Variants in LINGO1 observed in about 807,000 individuals in gnomAD.
LINGO1 encodes the protein leucine rich repeat and Ig domain containing 1.
LINGO1 carries 11 observed loss-of-function variants against 37.3 expected under a neutral mutation model. The observed-to-expected ratio is 0.29, with a 90% CI of 0.19 to 0.49. The LOEUF (loss-of-function observed/expected upper bound fraction) is 0.49, where lower values mean the gene tolerates loss of function less well. LINGO1 is among the 20% of genes least tolerant of loss of function. LINGO1 has a pLI of 0.99. For synonymous variants in LINGO1, 387 were observed against 403.0 expected (o/e 0.96, Z 0.48); for missense variants, 585 against 878.2 (o/e 0.67, Z 4.22).
Position 77,619,705 on chromosome 15 carries a change from A to G in LINGO1, c.7-3805T>C, listed in dbSNP as rs571094251. ...CTCCATCTGTAAAAACAATAAATAA[A>G]TAAAATAAAATAAAATAAAATAAAA... On this transcript the variant is annotated intron_variant, in intron 1 of 1. Transcript: ENST00000355300. Among the ~76,000 whole-genome samples, 8 of 94,674 alleles carry G rather than the reference A, an allele frequency of 8.5e-5. No homozygotes were observed. In the South Asian group the frequency reaches 2.4e-3, roughly 28 times the overall value. The allele number at this position is 94,674 out of a possible 152,430, so 62.1% of individuals were successfully genotyped here. A position where few individuals can be genotyped will look rare whatever the true frequency, so the allele number is the denominator to read the frequency against.
intron 1 of LINGO1, among the ~76,000 whole-genome samples, chr15:77,618,985 T>C (rs2073834023): frequency 6.6e-6 from 1 of 152,104 alleles, no homozygotes; most frequent in Non-Finnish European, 1.5e-5. Context: ...AAAATTATGC[T>C]ACAAGATGAT....
At chr15:77,785,238 A>T (rs987534625) in intron 1 of LINGO1, among the ~76,000 whole-genome samples, 1 of 151,764 alleles carries the variant, frequency 6.6e-6, no homozygotes, top group African/African-American at 2.4e-5. Context: ...CCCACTGCAG[A>T]CCCCTCCCAC....
At chr15:77,661,152 G>A (rs1475018904) in intron 3 of LINGO1, among the ~76,000 whole-genome samples, 1 of 152,202 alleles carries the variant, frequency 6.6e-6, no homozygotes, top group Non-Finnish European at 1.5e-5. Flanking sequence ...TTGCCCTCAG[G>A]AGCCAGCCAG....
intron 3 of LINGO1, among the ~76,000 whole-genome samples, chr15:77,661,650 G>T (rs527252135): frequency 6.6e-4 from 100 of 152,328 alleles, no homozygotes; most frequent in Non-Finnish European, 1.3e-3. Context: ...AACACTGCTG[G>T]GTAAACAGCC....
At chr15:77,648,252 A>C (rs908202504) in intron 3 of LINGO1, 47 of 225,852 alleles carry the variant, frequency 2.1e-4, no homozygotes, top group South Asian at 4.3e-4. Flanking sequence ...TGTGCTAGAC[A>C]CTTCACATGC....
rs556617446 is a variant in LINGO1, at chr15:77,815,260, G to A, written c.-458+4998C>T. Among the ~76,000 whole-genome samples the A allele has an allele frequency of 2.6e-5, 4 of 152,232 alleles. No homozygotes were observed. In the East Asian group the frequency reaches 5.8e-4, roughly 22 times the overall value. On this transcript the variant is annotated intron_variant, in intron 1 of 5. Coordinates refer to the LINGO1 transcript ENST00000562933. ...AGTGCTGAAACAACTGCCTAAGGAC[G>A]TCCTCTGCAGAGGCCCTGAGGCCCC...
chr15:77,637,480 C>T (rs758960412), upstream of LINGO1, among the ~76,000 whole-genome samples: 2 of 152,192 alleles, frequency 1.3e-5, no homozygotes, highest in Non-Finnish European at 2.9e-5. This position sits in a 1 kb window ranked among gnomAD's most constrained non-coding sequence, Gnocchi z 4.6. Context: ...TCCCCTCGGG[C>T]GGGGCTGTAT....
intron 1 of LINGO1, among the ~76,000 whole-genome samples, chr15:77,749,323 G>T (rs1044436460): frequency 6.6e-6 from 1 of 151,922 alleles, no homozygotes; most frequent in Non-Finnish European, 1.5e-5. Flanking sequence ...AGGAAGCACT[G>T]TCAGAAAACA....
chr15:77,776,472 G>GCAGGAAA, intron 1 of LINGO1, among the ~76,000 whole-genome samples: 1 of 114,886 alleles, frequency 8.7e-6, no homozygotes, highest in African/African-American at 4.1e-5. Flanking sequence ...AAGGCAGGAA[G>GCAGGAAA]GCAGGAAGGC....
chr15:77,806,384 G>A (rs955138879), intron 1 of LINGO1, among the ~76,000 whole-genome samples: 2 of 152,200 alleles, frequency 1.3e-5, no homozygotes, highest in African/African-American at 4.8e-5. Context: ...CAGGAGGAGA[G>A]GCGAGGAAGA....
chr15:77,773,768 G>C (rs1001156325), intron 1 of LINGO1, among the ~76,000 whole-genome samples: 8 of 152,106 alleles, frequency 5.3e-5, no homozygotes, highest in Admixed American at 2.0e-4. Context: ...CTCTGACTTT[G>C]CCCAGGGCAA....
chr15:77,757,675 G>A (rs1408346138), intron 1 of LINGO1, among the ~76,000 whole-genome samples: 1 of 150,694 alleles, frequency 6.6e-6, no homozygotes, highest in African/African-American at 2.4e-5. Context: ...GAGACTGGGT[G>A]CGGGGACAGG....
intron 2 of LINGO1, among the ~76,000 whole-genome samples, chr15:77,689,374 C>T (rs958990725): frequency 3.2e-4 from 49 of 152,218 alleles, no homozygotes; most frequent in African/African-American, 1.1e-3. Context: ...CAAGTTCCGC[C>T]TCCCTGCGCT....
intron 1 of LINGO1, among the ~76,000 whole-genome samples, chr15:77,819,091 C>T (rs1296676817): frequency 6.6e-6 from 1 of 150,990 alleles, no homozygotes; most frequent in Non-Finnish European, 1.5e-5. Context: ...CTCCCAGCCC[C>T]AAGCGTGCAC....
At chr15:77,680,210 T>G (rs1281601931) in intron 2 of LINGO1, among the ~76,000 whole-genome samples, 2 of 152,182 alleles carry the variant, frequency 1.3e-5, no homozygotes, top group Non-Finnish European at 2.9e-5. Context: ...GTCCCTGAGT[T>G]GTTGTGTGGA....
intron 1 of LINGO1, among the ~76,000 whole-genome samples, chr15:77,779,700 G>A (rs749305143): frequency 3.3e-5 from 5 of 152,174 alleles, no homozygotes; most frequent in Admixed American, 6.5e-5. Context: ...GACAGATGAA[G>A]CTTCACTCGC....
chr15:77,744,457 C>G (rs1220180951), intron 1 of LINGO1, among the ~76,000 whole-genome samples: 1 of 152,068 alleles, frequency 6.6e-6, no homozygotes, highest in African/African-American at 2.4e-5. Context: ...TCACCTGAGC[C>G]CGGGAGGTTG....
At chr15:77,671,954 G>A (rs1392386657) in intron 3 of LINGO1, among the ~76,000 whole-genome samples, 1 of 151,872 alleles carries the variant, frequency 6.6e-6, no homozygotes, top group Admixed American at 6.5e-5. Flanking sequence ...GCTCATGGGC[G>A]GCTGATTTCC....
chr15:77,664,234 T>A (rs1312761872), intron 3 of LINGO1, among the ~76,000 whole-genome samples: 1 of 151,256 alleles, frequency 6.6e-6, no homozygotes, highest in Non-Finnish European at 1.5e-5. Context: ...GGAGGAGGCT[T>A]GCTGAAAGCT....
Sources: allele counts gnomAD v4.1 joint callset (sites outside exome capture counted in the v4.1 genomes callset), GRCh38; gene constraint gnomAD v4.1.1; non-coding constraint Gnocchi (gnomAD v3.1); transcripts MANE v1.5; gene names NCBI Gene and HGNC (gene_info 2026-07-23, HGNC 2026-07-21).